NUTM2E: variants seen among roughly 807,000 people sequenced by gnomAD.
NUTM2E encodes the protein NUT family member 2E, also known as family with sequence similarity 22, member E.
NUTM2E carries 3 observed loss-of-function variants against 26.1 expected under a neutral mutation model. That is an observed-to-expected ratio of 0.12 (90% CI 0.05 to 0.30). The LOEUF is 0.30. Among genes scored for constraint, NUTM2E ranks in the 10% least tolerant of loss-of-function variants. The pLI is 1.00. For synonymous variants in NUTM2E, 13 were observed against 157.5 expected, an observed-to-expected ratio of 0.08 and a Z score of 6.87; for missense variants, 62 against 381.3, an observed-to-expected ratio of 0.16 and a Z score of 6.97.
At position 79,827,154 on chromosome 10, in the gene NUTM2E, A is replaced by G. The variant is rs576254827; in HGVS notation, c.-2931A>G. The G allele has an allele frequency of 6.5e-6, 1 of 152,756 alleles. No individual in the cohort carries two copies. Among genetic ancestry groups the G allele is most frequent in the South Asian group, 2.1e-4 (1 of 4,764 alleles). 9.5% of individuals were successfully genotyped at this position (152,756 alleles called of 1,614,324 possible). ...GGGCCAGCCTCTTGATGCACCGGGG[A>G]CGGGCGCGCCCATCCGACTCTTCGA... On this transcript the variant is annotated 5_prime_UTR_variant, in exon 1 of 10. Transcript: ENST00000429984.
intron 1 of NUTM2E, chr10:79,827,567 A>C (rs1477151513): frequency 1.4e-5 from 1 of 70,732 alleles, no homozygotes; most frequent in African/African-American, 6.3e-5. Flanking sequence ...CCATGCTCAC[A>C]AAAAAAAAAA....
chr10:79,834,529 C>T (rs10749144), intron 1 of NUTM2E, among the ~76,000 whole-genome samples: 70,560 of 150,504 alleles, frequency 0.47, 18,442 homozygotes, highest in Non-Finnish European at 0.6. Flanking sequence ...GGTGAAACCC[C>T]GTCTCTACTA....
At chr10:79,836,416 T>G (rs1333114935) in intron 1 of NUTM2E, among the ~76,000 whole-genome samples, 1 of 151,930 alleles carries the variant, frequency 6.6e-6, no homozygotes, top group Non-Finnish European at 1.5e-5. Flanking sequence ...TACATGCAAC[T>G]GAAGAAAATA....
rs942692956 is a variant in NUTM2E at position 79,839,041 on chromosome 10, C to T, written c.-2188C>T. Among the ~76,000 whole-genome samples the T allele has an allele frequency of 2.7e-5, 4 of 150,532 alleles. No individual in the cohort carries two copies. Among genetic ancestry groups the T allele is most frequent in the East Asian group, 2.0e-4 (1 of 5,046 alleles). On this transcript the variant is annotated 5_prime_UTR_variant, in exon 3 of 10. It adds an upstream start codon to the 5' untranslated region. Coordinates refer to ENST00000429984, the MANE Select transcript of NUTM2E (RefSeq NM_001355263.2). ...CTGGGTGCTTCCTGGGGCCAGACAA[C>T]GCCCCCTCATTGGAACCTCCATGAC...
Position 79,834,525 on chromosome 10 carries a change from ACC to A in NUTM2E, c.-2727-3781_-2727-3780del, listed in dbSNP as rs766552839. ...AGACCAGCCTGGGCAACATGGTGAA[ACC>A]CCGTCTCTACTAAAAATACAAAAAT... On this transcript the variant is annotated intron_variant, in intron 1 of 9. Coordinates refer to ENST00000429984, the MANE Select transcript of NUTM2E (RefSeq NM_001355263.2). Among the ~76,000 whole-genome samples, 342 of 151,288 alleles carry A rather than the reference ACC, an allele frequency of 2.3e-3. 5 individuals carry two copies. The highest frequency in any genetic ancestry group is 3.4e-3 in the Middle Eastern group (1 of 290).
chr10:79,837,844 A>G (rs576166191), intron 1 of NUTM2E, among the ~76,000 whole-genome samples: 2 of 152,058 alleles, frequency 1.3e-5, no homozygotes, highest in East Asian at 3.9e-4. Flanking sequence ...GTAAAATAGT[A>G]TTTAAAAACT....
intron 1 of NUTM2E, among the ~76,000 whole-genome samples, chr10:79,833,855 T>C (rs1329633899): frequency 6.6e-6 from 1 of 151,718 alleles, no homozygotes; most frequent in Admixed American, 6.6e-5. Context: ...GTAATCCCAT[T>C]ACTGGGTATA....
chr10:79,835,062 A>C (rs1293449733), intron 1 of NUTM2E, among the ~76,000 whole-genome samples: 1 of 150,484 alleles, frequency 6.6e-6, no homozygotes, highest in Non-Finnish European at 1.5e-5. Flanking sequence ...ATTAATGTAG[A>C]CTGGCAGAGC....
intron 1 of NUTM2E, among the ~76,000 whole-genome samples, chr10:79,836,286 T>C (rs1321684235): frequency 6.6e-6 from 1 of 151,906 alleles, no homozygotes; most frequent in Non-Finnish European, 1.5e-5. Context: ...TATTCACTGA[T>C]TAAAAACAAA....
chr10:79,827,001 G>T lies in NUTM2E; in HGVS notation c.-3084G>T, dbSNP rs1335329028. The T allele has an allele frequency of 1.2e-4, 4 of 33,410 alleles. No individual in the cohort carries two copies. Among genetic ancestry groups the T allele is most frequent in the Non-Finnish European group, 3.8e-4 (4 of 10,578 alleles). 2.1% of individuals were successfully genotyped at this position (33,410 alleles called of 1,614,324 possible). On this transcript the variant is annotated 5_prime_UTR_variant, in exon 1 of 10. Coordinates refer to ENST00000429984, the MANE Select transcript of NUTM2E (RefSeq NM_001355263.2). Reference sequence around the variant, plus strand: ...GCGGCTGTTCTCCCTAAGCACCCTCGCTCACGTCGCCTCGCCTCGCCTGAC... The same window carrying T: ...GCGGCTGTTCTCCCTAAGCACCCTCTCTCACGTCGCCTCGCCTCGCCTGAC...
rs562733027 is a variant in NUTM2E at position 79,827,120 on chromosome 10, C to A, written c.-2965C>A. 2.4e-4 allele frequency: 37 copies of A among 152,864 alleles called. 1 individual carries two copies. Among genetic ancestry groups the A allele is most frequent in the Admixed American group, 2.2e-3 (34 of 15,226 alleles). The allele number at this position is 152,864 out of a possible 1,614,324, so 9.5% of individuals were successfully genotyped here. ...CGCGGGGTTCGGTGCGAGCCCCTCG[C>A]CCCTGGCCGGGCCAGCCTCTTGATG... On this transcript the variant is annotated 5_prime_UTR_variant, in exon 1 of 10. Transcript: ENST00000429984.
intron 5 of NUTM2E, among the ~76,000 whole-genome samples, 192 bp downstream of exon 5, chr10:79,845,064 C>T (rs1306483062): frequency 2.7e-5 from 3 of 113,198 alleles, no homozygotes; most frequent in African/African-American, 8.0e-5. Context: ...GGGGCCTCAT[C>T]TCAACTGCCC....
At chr10:79,827,821 G>C (rs1304422998) in intron 1 of NUTM2E, among the ~76,000 whole-genome samples, 1 of 96,802 alleles carries the variant, frequency 1.0e-5, no homozygotes, top group African/African-American at 4.2e-5. Context: ...TTTTTTTTGT[G>C]ATACGGAGTT....
rs1742936522 is a variant in NUTM2E, at chr10:79,827,344, A to G, written c.-2741A>G. 1 of 152,980 alleles carries G rather than the reference A, an allele frequency of 6.5e-6. No homozygotes were observed. The highest frequency in any genetic ancestry group is 1.5e-5 in the Non-Finnish European group (1 of 67,982). The allele number at this position is 152,980 out of a possible 1,614,324, so 9.5% of individuals were successfully genotyped here. A position where few individuals can be genotyped will look rare whatever the true frequency, so the allele number is the denominator to read the frequency against. ...GAAAAAGAACATTACAACTTTTTTGAAAGAAATTTGGGGGTAAATTTAATT... is the reference window on the plus strand; with the variant it reads ...GAAAAAGAACATTACAACTTTTTTGGAAGAAATTTGGGGGTAAATTTAATT... On this transcript the variant is annotated 5_prime_UTR_variant, in exon 1 of 10. Coordinates refer to ENST00000429984, the MANE Select transcript of NUTM2E (RefSeq NM_001355263.2).
At position 79,840,856 on chromosome 10, in the gene NUTM2E, G is replaced by C. The variant is rs1237242184; in HGVS notation, c.-885G>C. On this transcript the variant is annotated 5_prime_UTR_variant, in exon 4 of 10. Coordinates refer to ENST00000429984, the MANE Select transcript of NUTM2E (RefSeq NM_001355263.2). The stretch of plus-strand genomic sequence containing the variant: ...TGATTTGTGTGTCTCAGAAGATTTT[G>C]TTGCTGTGCTCTGAGTTCTCACTCC... Among the ~76,000 whole-genome samples, 1 of 118,756 alleles carries C rather than the reference G, an allele frequency of 8.4e-6. No homozygotes were observed. Among genetic ancestry groups the C allele is most frequent in the Admixed American group, 9.0e-5 (1 of 11,144 alleles). The allele number at this position is 118,756 out of a possible 152,430, so 77.9% of individuals were successfully genotyped here.
intron 1 of NUTM2E, among the ~76,000 whole-genome samples, chr10:79,827,798 T>G (rs1046688904): frequency 3.8e-3 from 31 of 8,060 alleles, no homozygotes; most frequent in East Asian, 0.022. Flanking sequence ...TTTTTTTGTT[T>G]TTTTTTTTTT....
rs1267420176 is a variant in NUTM2E, at chr10:79,838,460, C to T, written c.-2576C>T. 6.7e-6 allele frequency among the ~76,000 whole-genome samples: 1 copy of T among 149,184 alleles called. No individual in the cohort carries two copies. Among genetic ancestry groups the T allele is most frequent in the African/African-American group, 2.5e-5 (1 of 40,740 alleles). On this transcript the variant is annotated 5_prime_UTR_variant, in exon 2 of 10. Transcript: ENST00000429984. Reference sequence around the variant, plus strand: ...CAGGAGCTACTTCTTTGCTGAACTGCATCACGGTTTCAACTGCTGAGGTTT... The same window carrying T: ...CAGGAGCTACTTCTTTGCTGAACTGTATCACGGTTTCAACTGCTGAGGTTT...
At chr10:79,837,975 G>A (rs904022676) in intron 1 of NUTM2E, among the ~76,000 whole-genome samples, 4 of 151,390 alleles carry the variant, frequency 2.6e-5, no homozygotes, top group Non-Finnish European at 5.9e-5. Context: ...AGCCTCAGCT[G>A]CAGCCTCAGA....
In NUTM2E at chr10:79,841,911, C is replaced by T; in HGVS notation, c.171C>T (p.Asn57=). The change falls in exon 4 of 10, where the codon AAC becomes AAT. Residue 57 remains asparagine, a synonymous_variant. Coordinates refer to ENST00000429984, the MANE Select transcript of NUTM2E (RefSeq NM_001355263.2). Reference sequence around the variant, plus strand: ...TTCACAGAACGTCCCCCACCCCTAACAGCTGCCCACTGCCCCTCCCCCTCT... The same window carrying T: ...TTCACAGAACGTCCCCCACCCCTAATAGCTGCCCACTGCCCCTCCCCCTCT... ...EALHRTSPTP[N]SCPLPLPLCR... is the part of the protein sequence containing the mutation. The T allele has an allele frequency of 2.3e-6, 1 of 443,992 alleles. No homozygotes were observed. The highest frequency in any genetic ancestry group is 2.0e-5 in the South Asian group (1 of 49,090). The allele number at this position is 443,992 out of a possible 1,614,324, so 27.5% of individuals were successfully genotyped here.
Sources: allele counts gnomAD v4.1 joint callset (sites outside exome capture counted in the v4.1 genomes callset), GRCh38; gene constraint gnomAD v4.1.1; transcripts MANE v1.5; gene names NCBI Gene and HGNC (gene_info 2026-07-23, HGNC 2026-07-21).